Variants in PARD3 observed in about 807,000 individuals in gnomAD.
The protein encoded by PARD3 is par-3 family cell polarity regulator, also known as partitioning defective 3 homolog.
A neutral mutation model predicts 155.4 loss-of-function variants in PARD3; 75 were observed. The observed-to-expected ratio is 0.48, with a 90% CI of 0.40 to 0.58. The LOEUF (loss-of-function observed/expected upper bound fraction) is 0.58. Ranked by LOEUF, PARD3 falls within the 20% of genes least tolerant of loss-of-function variation. PARD3 has a pLI of 0.00. For missense variants in PARD3, 1,642 were observed against 1,721.7 expected, an observed-to-expected ratio of 0.95 and a Z score of 0.82; for synonymous variants, 576 against 610.5, an observed-to-expected ratio of 0.94 and a Z score of 0.83.
chr10:34,362,389 A>G (rs1839534838), intron 12 of PARD3, among the ~76,000 whole-genome samples: 1 of 152,228 alleles, frequency 6.6e-6, no homozygotes, highest in Non-Finnish European at 1.5e-5. Context: ...AAGATCAAAT[A>G]TATCAAATAC....
intron 7 of PARD3, among the ~76,000 whole-genome samples, chr10:34,385,256 C>A (rs1191988679): frequency 6.6e-6 from 1 of 152,164 alleles, no homozygotes; most frequent in African/African-American, 2.4e-5. Flanking sequence ...GCCTCAGCCT[C>A]CTGAGTAGCT....
chr10:34,350,362 C>T (rs560513212), intron 14 of PARD3, among the ~76,000 whole-genome samples: 5 of 152,214 alleles, frequency 3.3e-5, no homozygotes, highest in South Asian at 4.2e-4. Flanking sequence ...AATTAAGCTT[C>T]GGTTGGGCAC....
At chr10:34,649,395 ATGGCATAGCCTCT>A in intron 2 of PARD3, among the ~76,000 whole-genome samples, 1 of 152,372 alleles carries the variant, frequency 6.6e-6, no homozygotes, top group South Asian at 2.1e-4. Flanking sequence ...CCTAGGCTAC[ATGGCATAGCCTCT>A]TGCTCCTAGG....
chr10:34,442,712 A>T (rs946387103), intron 5 of PARD3, among the ~76,000 whole-genome samples: 25 of 152,030 alleles, frequency 1.6e-4, no homozygotes, highest in Admixed American at 2.6e-4. Context: ...GTACAAAAAA[A>T]TTTTTTTAAT....
chr10:34,573,612 CAGA>C (rs916523031), intron 2 of PARD3, among the ~76,000 whole-genome samples: 19 of 152,072 alleles, frequency 1.2e-4, no homozygotes, highest in African/African-American at 4.6e-4. Context: ...GAGGCTGAGG[CAGA>C]AGAATTGCTT....
At chr10:34,254,660 A>G (rs757037366) in intron 22 of PARD3, among the ~76,000 whole-genome samples, 1 of 151,768 alleles carries the variant, frequency 6.6e-6, no homozygotes, top group East Asian at 1.9e-4. Flanking sequence ...TCCTTCCTCA[A>G]CCTGAGTCAG....
At chr10:34,426,639 G>T (rs1287864903) in intron 5 of PARD3, 3 of 152,162 alleles carry the variant, frequency 2.0e-5, no homozygotes, top group African/African-American at 7.2e-5. Context: ...CTAATATCTA[G>T]TGGCAAATAT....
At chr10:34,234,691 G>A (rs1350829939) in intron 22 of PARD3, among the ~76,000 whole-genome samples, 1 of 152,000 alleles carries the variant, frequency 6.6e-6, no homozygotes, top group Middle Eastern at 3.4e-3. Flanking sequence ...TTATTTTTTA[G>A]TTAACTCCCA....
intron 1 of PARD3, among the ~76,000 whole-genome samples, chr10:34,741,184 TTTTTTTTTTTG>T (rs2095008186): frequency 7.3e-6 from 1 of 136,408 alleles, no homozygotes; most frequent in Non-Finnish European, 1.6e-5. Flanking sequence ...ATTTTTTTTT[TTTTTTTTTTTG>T]TTTGAGAGAG....
intron 3 of PARD3, among the ~76,000 whole-genome samples, chr10:34,503,512 C>G (rs1015981637): frequency 1.3e-5 from 2 of 152,190 alleles, no homozygotes; most frequent in South Asian, 2.1e-4. Context: ...AATATCAGCT[C>G]TGTGTGTGCC....
At chr10:34,208,770 G>A (rs1223402500) in intron 22 of PARD3, among the ~76,000 whole-genome samples, 1 of 152,164 alleles carries the variant, frequency 6.6e-6, no homozygotes, top group Admixed American at 6.5e-5. Context: ...TAGGCAGCCA[G>A]GTAGCTATCA....
chr10:34,567,432 T>C (rs2086043959), intron 2 of PARD3, among the ~76,000 whole-genome samples: 1 of 152,234 alleles, frequency 6.6e-6, no homozygotes, highest in Non-Finnish European at 1.5e-5. Flanking sequence ...CATACTGTGA[T>C]TACCAATATT....
intron 20 of PARD3, among the ~76,000 whole-genome samples, chr10:34,285,787 T>C (rs534326104): frequency 6.6e-6 from 1 of 152,086 alleles, no homozygotes; most frequent in East Asian, 1.9e-4. Flanking sequence ...TTGAAAGGGG[T>C]CTCTAAATAT....
At chr10:34,610,559 A>G (rs1349705380) in intron 2 of PARD3, among the ~76,000 whole-genome samples, 1 of 152,210 alleles carries the variant, frequency 6.6e-6, no homozygotes, top group East Asian at 1.9e-4. Context: ...CATGCCTGTA[A>G]CCAAGAATCA....
chr10:34,785,253 AT>A lies in PARD3; in HGVS notation c.120+29622del, dbSNP rs1002001216. The stretch of plus-strand genomic sequence containing the variant: ...GAGATATAACTTTATCTTTTAAAAA[AT>A]AAATGGTTTTTCAAATCTCAAAAAA... On this transcript the variant is annotated intron_variant, in intron 1 of 24. Transcript: ENST00000374788. Among the ~76,000 whole-genome samples, 14 of 152,266 alleles carry A rather than the reference AT, an allele frequency of 9.2e-5. 1 individual carries two copies.
At chr10:34,742,302 T>C (rs2095033490) in intron 1 of PARD3, among the ~76,000 whole-genome samples, 1 of 152,144 alleles carries the variant, frequency 6.6e-6, no homozygotes, top group African/African-American at 2.4e-5. Flanking sequence ...GGGACCAAAA[T>C]CTCAGTAGTC....
rs190197811 is a variant in PARD3, at chr10:34,442,320, C to A, written c.714+7997G>T. ...GATGGCAGATACCATGAAGCCCTAT[C>A]TATTCCTATATCAGACTTTCTATAG... On this transcript the variant is annotated intron_variant, in intron 5 of 24. Coordinates refer to ENST00000374788, the MANE Select transcript of PARD3 (RefSeq NM_001184785.2). Among the ~76,000 whole-genome samples the A allele has an allele frequency of 8.5e-5, 13 of 152,312 alleles. No individual in the cohort carries two copies. In the East Asian group the frequency reaches 2.5e-3, roughly 29 times the overall value.
At position 34,284,158 on chromosome 10, in the gene PARD3, T is replaced by A. The variant is rs1956280947; in HGVS notation, c.3153A>T (p.Ile1051=). The A allele has an allele frequency of 6.2e-7, 1 of 1,601,626 alleles. No individual in the cohort carries two copies. Among genetic ancestry groups the A allele is most frequent in the Admixed American group, 1.7e-5 (1 of 58,862 alleles). ...QESFTSEEER[I]RMKQEQERIQ... ...ACCTCTCCTGCTCCTGCTTCATTCG[T>A]ATCCTCTCCTCTTCTGATGTAAAGG... The change falls in exon 21 of 25, where the codon ATA becomes ATT. Residue 1051 remains isoleucine (I), a synonymous_variant. Coordinates refer to ENST00000374788, the MANE Select transcript of PARD3 (RefSeq NM_001184785.2).
intron 1 of PARD3, among the ~76,000 whole-genome samples, chr10:34,720,270 T>C (rs1423984900): frequency 6.6e-6 from 1 of 151,834 alleles, no homozygotes; most frequent in Non-Finnish European, 1.5e-5. Flanking sequence ...CCTGTCTCTA[T>C]TAAAAATACA....
Sources: gnomAD v4.1 joint callset for allele counts (sites outside exome capture counted in the v4.1 genomes callset) on GRCh38, gnomAD v4.1.1 for gene constraint, MANE v1.5 for transcripts, NCBI Gene and HGNC (gene_info 2026-07-23, HGNC 2026-07-21) for gene names.